ME3: variants seen among roughly 807,000 people sequenced by gnomAD.
ME3 encodes malic enzyme 3.
ME3 carries 48 observed loss-of-function variants against 68.9 expected under a neutral mutation model. That is an observed-to-expected ratio of 0.70 (90% CI 0.55 to 0.89). The LOEUF is 0.89. Ranked by LOEUF, ME3 falls within the 40% of genes least tolerant of loss-of-function variation. ME3 has a pLI of 0.00. For synonymous variants in ME3, 320 were observed against 318.8 expected (o/e 1.00, Z -0.04); for missense variants, 675 against 797.4 (o/e 0.85, Z 1.85).
At chr11:86,544,818 G>C (rs138688570) in intron 4 of ME3, among the ~76,000 whole-genome samples, 8,281 of 152,178 alleles carry the variant, frequency 0.054, 298 homozygotes, top group Non-Finnish European at 0.084. Context: ...TGAGGCCAGC[G>C]TCATCCTGAT....
intron 8 of ME3, chr11:86,457,622 A>C: frequency 7.9e-7 from 1 of 1,270,116 alleles, no homozygotes. Flanking sequence ...GCTATGCACT[A>C]GGGGTTTAAA....
chr11:86,478,613 C>G (rs938245470), intron 7 of ME3, among the ~76,000 whole-genome samples: 2 of 152,198 alleles, frequency 1.3e-5, no homozygotes, highest in African/African-American at 4.8e-5. Context: ...CTCCCTATTG[C>G]TCACTACATC....
chr11:86,648,875 A>C (rs1177234535), intron 2 of ME3, among the ~76,000 whole-genome samples: 1 of 152,204 alleles, frequency 6.6e-6, no homozygotes, highest in Non-Finnish European at 1.5e-5. Flanking sequence ...TTCACAGCCA[A>C]ATTCCACCAG....
chr11:86,476,234 A>G (rs531031627), intron 7 of ME3, among the ~76,000 whole-genome samples: 1 of 152,250 alleles, frequency 6.6e-6, no homozygotes, highest in Admixed American at 6.5e-5. Flanking sequence ...TGCAGGCCTG[A>G]ATGATGAGAT....
At chr11:86,616,052 T>C (rs936558532) in intron 2 of ME3, among the ~76,000 whole-genome samples, 1 of 152,226 alleles carries the variant, frequency 6.6e-6, no homozygotes, top group Non-Finnish European at 1.5e-5. Flanking sequence ...AGACAGTACA[T>C]ATATTGTTAG....
chr11:86,496,832 A>G (rs1952365576), intron 6 of ME3, among the ~76,000 whole-genome samples: 2 of 151,734 alleles, frequency 1.3e-5, no homozygotes, highest in South Asian at 4.1e-4. Flanking sequence ...AAAAAGAAAT[A>G]TAAAATACTG....
At chr11:86,588,175 G>C (rs2139649954) in intron 2 of ME3, among the ~76,000 whole-genome samples, 1 of 152,352 alleles carries the variant, frequency 6.6e-6, no homozygotes, top group African/African-American at 2.4e-5. Flanking sequence ...TTACAGACCA[G>C]AGGGAGAGAG....
intron 2 of ME3, among the ~76,000 whole-genome samples, chr11:86,599,966 C>A (rs1370468623): frequency 8.5e-5 from 13 of 152,252 alleles, no homozygotes; most frequent in South Asian, 2.1e-4. Flanking sequence ...CATGGAAAGG[C>A]ACAACTGGTA....
chr11:86,645,653 G>T (rs542867317), intron 2 of ME3, among the ~76,000 whole-genome samples: 4 of 152,144 alleles, frequency 2.6e-5, no homozygotes, highest in Admixed American at 1.3e-4. Context: ...CCTGCCTGCC[G>T]GCTCTGAAGA....
Position 86,478,913 on chromosome 11 carries a change from C to T in ME3, c.809+8424G>A, listed in dbSNP as rs1951235569. ...AGCTCTCATAATCATGACCTTCTGC[C>T]TGGATTGCAAGGCCTATCTTAGTGT... On this transcript the variant is annotated intron_variant, in intron 7 of 14. Coordinates refer to ENST00000543262, the Ensembl canonical transcript of ME3. 2.0e-5 allele frequency among the ~76,000 whole-genome samples: 3 copies of T among 152,216 alleles called. No homozygotes were observed. In the South Asian group the frequency reaches 6.2e-4, roughly 32 times the overall value.
In ME3 at chr11:86,495,272, G is replaced by T. The variant is rs142710369; in HGVS notation, c.705+2691C>A. Among the ~76,000 whole-genome samples the T allele has an allele frequency of 4.8e-3, 732 of 152,324 alleles. 8 individuals are homozygous for T. The highest frequency in any genetic ancestry group is 0.017 in the African/African-American group (709 of 41,576). The stretch of plus-strand genomic sequence containing the variant: ...AGGGTTATTGCAAGGCTTAAACTGA[G>T]TGGTCCATAAAAAGGGCCTGATCCA... On this transcript the variant is annotated intron_variant, in intron 6 of 14. Transcript: ENST00000543262.
intron 7 of ME3, among the ~76,000 whole-genome samples, chr11:86,469,416 A>G (rs1300433894): frequency 3.9e-5 from 6 of 152,130 alleles, no homozygotes; most frequent in African/African-American, 1.4e-4. Flanking sequence ...CTGAGTGAGC[A>G]GGGCAAGGCA....
chr11:86,466,264 C>A (rs1229850419), intron 7 of ME3, among the ~76,000 whole-genome samples: 1 of 152,112 alleles, frequency 6.6e-6, no homozygotes, highest in Non-Finnish European at 1.5e-5. Flanking sequence ...GTGTCTTTAG[C>A]CTTTCTGTAA....
At position 86,448,491 on chromosome 11, in the gene ME3, T is replaced by C. The variant is rs141832826; in HGVS notation, c.1132-236A>G. 5.4e-3 allele frequency among the ~76,000 whole-genome samples: 817 copies of C among 152,178 alleles called. 6 individuals carry two copies. The highest frequency in any genetic ancestry group is 0.014 in the Middle Eastern group (4 of 294). ...ATGTTTCTTTAACCCAAACCACATA[T>C]GGAGAATCCATAAAGAATTTATTTG... On this transcript the variant is annotated intron_variant, in intron 10 of 14. Coordinates refer to ENST00000543262, the Ensembl canonical transcript of ME3.
At chr11:86,620,802 A>G (rs980073864) in intron 2 of ME3, among the ~76,000 whole-genome samples, 4 of 152,158 alleles carry the variant, frequency 2.6e-5, no homozygotes, top group African/African-American at 9.7e-5. Flanking sequence ...TTTTGATCAA[A>G]TATTTTAAAA....
chr11:86,480,835 G>T (rs539026149), intron 7 of ME3, among the ~76,000 whole-genome samples: 1 of 152,314 alleles, frequency 6.6e-6, no homozygotes, highest in East Asian at 1.9e-4. Context: ...AGCTGTAGGT[G>T]TATTGCAAGG....
chr11:86,645,185 G>C (rs1463875097), intron 2 of ME3, among the ~76,000 whole-genome samples: 1 of 152,138 alleles, frequency 6.6e-6, no homozygotes, highest in Non-Finnish European at 1.5e-5. Context: ...TTGTAACCTA[G>C]TGGCAGCTGG....
intron 2 of ME3, among the ~76,000 whole-genome samples, chr11:86,653,143 A>T (rs566535127): frequency 6.6e-6 from 1 of 152,114 alleles, no homozygotes; most frequent in South Asian, 2.1e-4. Context: ...CACAATAATA[A>T]TGGGAGACTT....
intron 4 of ME3, among the ~76,000 whole-genome samples, chr11:86,533,405 G>A (rs1418547708): frequency 4.6e-5 from 7 of 152,252 alleles, no homozygotes; most frequent in Admixed American, 4.6e-4. Flanking sequence ...AGAAATGGAT[G>A]AATTCTTGGC....
Sources: gnomAD v4.1 joint callset for allele counts (sites outside exome capture counted in the v4.1 genomes callset) on GRCh38, gnomAD v4.1.1 for gene constraint, MANE v1.5 for transcripts, NCBI Gene and HGNC (gene_info 2026-07-23, HGNC 2026-07-21) for gene names.